Variants in MAGI2 observed in about 807,000 individuals in gnomAD.
MAGI2 encodes membrane associated guanylate kinase, WW and PDZ domain containing 2, also known as membrane-associated guanylate kinase, WW and PDZ domain-containing protein 2.
In MAGI2, 35 loss-of-function variants were observed where a neutral mutation model predicts 133.3. That is an observed-to-expected ratio of 0.26 (90% CI 0.20 to 0.35). The LOEUF is 0.35. Among genes scored for constraint, MAGI2 ranks in the 10% least tolerant of loss-of-function variants. The probability of loss-of-function intolerance (pLI) is 1.00; values close to 1 mark genes in which losing one functional copy is unlikely to be tolerated. For missense variants in MAGI2, 1,636 were observed against 1,863.4 expected (o/e 0.88, Z 2.25); for synonymous variants, 729 against 710.6 (o/e 1.03, Z -0.41).
chr7:78,625,201 C>T (rs1584886468), intron 3 of MAGI2, among the ~76,000 whole-genome samples: 1 of 151,884 alleles, frequency 6.6e-6, no homozygotes, highest in East Asian at 1.9e-4. Context: ...TTTAAAAATA[C>T]TATAAAATTT....
chr7:78,422,666 C>A (rs1405201124), intron 6 of MAGI2, among the ~76,000 whole-genome samples: 1 of 151,402 alleles, frequency 6.6e-6, no homozygotes, highest in Non-Finnish European at 1.5e-5. Flanking sequence ...GAGAAAGGAA[C>A]TTTCTCAAAG....
At chr7:78,053,628 T>C (rs2151114849) in intron 21 of MAGI2, among the ~76,000 whole-genome samples, 1 of 152,374 alleles carries the variant, frequency 6.6e-6, no homozygotes, top group East Asian at 1.9e-4. Context: ...CTGAGGTCTC[T>C]GGCAGGACCA....
intron 2 of MAGI2, among the ~76,000 whole-genome samples, chr7:78,691,731 G>A (rs1476483070): frequency 3.3e-5 from 5 of 152,216 alleles, no homozygotes; most frequent in South Asian, 4.1e-4. Flanking sequence ...AAAAATCAGC[G>A]GTTGCCAGGT....
intron 2 of MAGI2, among the ~76,000 whole-genome samples, chr7:79,003,490 G>A (rs1015467400): frequency 6.6e-6 from 1 of 152,206 alleles, no homozygotes; most frequent in Non-Finnish European, 1.5e-5. Flanking sequence ...ATGCATGCAT[G>A]TATAAGAGCA....
intron 3 of MAGI2, among the ~76,000 whole-genome samples, chr7:78,611,089 T>A (rs567539868): frequency 1.9e-4 from 29 of 152,334 alleles, no homozygotes; most frequent in African/African-American, 6.5e-4. Context: ...AATTGGAGAT[T>A]GTGTATGCAA....
chr7:78,421,058 C>A (rs1798746668), intron 6 of MAGI2, among the ~76,000 whole-genome samples: 1 of 152,130 alleles, frequency 6.6e-6, no homozygotes, highest in Non-Finnish European at 1.5e-5. Flanking sequence ...TTTGAACGGA[C>A]TCAAGGATGA....
intron 1 of MAGI2, among the ~76,000 whole-genome samples, chr7:79,403,407 T>C (rs78250065): frequency 0.02 from 3,074 of 152,218 alleles, 116 homozygotes; most frequent in African/African-American, 0.07. Flanking sequence ...ACAGTTGAAA[T>C]GTAGACATCT....
chr7:78,714,329 C>T (rs543294576), intron 2 of MAGI2, among the ~76,000 whole-genome samples: 59 of 152,258 alleles, frequency 3.9e-4, no homozygotes, highest in Non-Finnish European at 7.2e-4. Flanking sequence ...AGCATTTTCT[C>T]CCTTCTGTTT....
chr7:79,281,722 C>T (rs1835656483), intron 1 of MAGI2, among the ~76,000 whole-genome samples: 1 of 152,074 alleles, frequency 6.6e-6, no homozygotes, highest in Non-Finnish European at 1.5e-5. Context: ...AATCAGAATG[C>T]TTGATGTGTT....
intron 2 of MAGI2, among the ~76,000 whole-genome samples, chr7:78,986,485 C>G (rs774967874): frequency 4.0e-5 from 6 of 151,790 alleles, no homozygotes; most frequent in Non-Finnish European, 8.8e-5. Flanking sequence ...CCATTCAAAC[C>G]GGTCTTTTTT....
intron 12 of MAGI2, among the ~76,000 whole-genome samples, chr7:78,193,928 C>A (rs1008975306): frequency 6.6e-6 from 1 of 152,160 alleles, no homozygotes; most frequent in Non-Finnish European, 1.5e-5. Context: ...GTGCATAATT[C>A]TCAGCCCCTG....
chr7:78,985,790 T>C (rs1219456520), intron 2 of MAGI2, among the ~76,000 whole-genome samples: 1 of 152,120 alleles, frequency 6.6e-6, no homozygotes, highest in Non-Finnish European at 1.5e-5. Flanking sequence ...AAAATATTCA[T>C]CTTTTAAGTC....
Position 78,942,647 on chromosome 7 carries a change from A to G in MAGI2, c.418+64443T>C, listed in dbSNP as rs577683121. ...TTCAACAAGATAAATTTTCTAGCAAAAACTGGAAACTCAGTTTTTATTTTT... is the reference window on the plus strand; with the variant it reads ...TTCAACAAGATAAATTTTCTAGCAAGAACTGGAAACTCAGTTTTTATTTTT... On this transcript the variant is annotated intron_variant, in intron 2 of 21. Transcript: ENST00000354212. Among the ~76,000 whole-genome samples, 12 of 152,244 alleles carry G rather than the reference A, an allele frequency of 7.9e-5. 1 individual carries two copies. The South Asian group carries it at 2.5e-3, about 32-fold the overall frequency.
At chr7:78,788,350 T>C (rs1043720165) in intron 2 of MAGI2, among the ~76,000 whole-genome samples, 2 of 152,224 alleles carry the variant, frequency 1.3e-5, no homozygotes, top group Admixed American at 6.5e-5. Context: ...TTTCCATCTT[T>C]TATGAGAACA....
At chr7:78,517,209 C>T (rs545598641) in intron 4 of MAGI2, among the ~76,000 whole-genome samples, 19 of 135,282 alleles carry the variant, frequency 1.4e-4, no homozygotes, top group Non-Finnish European at 2.5e-4. Flanking sequence ...AAATTTTAAA[C>T]ATCGGTTCAA....
At chr7:79,158,340 A>G (rs1824021754) in intron 1 of MAGI2, among the ~76,000 whole-genome samples, 1 of 152,130 alleles carries the variant, frequency 6.6e-6, no homozygotes, top group Admixed American at 6.6e-5. Flanking sequence ...CTTAAAAAAT[A>G]AAAGTGCTTA....
At chr7:78,934,884 A>T (rs2151665711) in intron 2 of MAGI2, among the ~76,000 whole-genome samples, 1 of 152,298 alleles carries the variant, frequency 6.6e-6, no homozygotes, top group South Asian at 2.1e-4. Context: ...TTATGCAGGT[A>T]TATTAATGGA....
chr7:79,402,709 C>A (rs1410844456), intron 1 of MAGI2, among the ~76,000 whole-genome samples: 1 of 152,092 alleles, frequency 6.6e-6, no homozygotes, highest in Non-Finnish European at 1.5e-5. Flanking sequence ...CACCTGTAAA[C>A]CTAGAACTTT....
At chr7:78,967,888 T>A (rs562316970) in intron 2 of MAGI2, among the ~76,000 whole-genome samples, 20 of 152,278 alleles carry the variant, frequency 1.3e-4, no homozygotes, top group Admixed American at 2.0e-4. Flanking sequence ...TGGAATGCAG[T>A]GGTGCAATCT....
Sources: allele counts gnomAD v4.1 joint callset (sites outside exome capture counted in the v4.1 genomes callset), GRCh38; gene constraint gnomAD v4.1.1; transcripts MANE v1.5; gene names NCBI Gene and HGNC (gene_info 2026-07-23, HGNC 2026-07-21).